Variants in HHAT observed in about 807,000 individuals in gnomAD.
The protein encoded by HHAT is protein-cysteine N-palmitoyltransferase HHAT.
HHAT carries 47 observed loss-of-function variants against 70.8 expected under a neutral mutation model. The observed-to-expected ratio is 0.66, with a 90% CI of 0.53 to 0.85. HHAT has a LOEUF of 0.85. HHAT is among the 40% of genes least tolerant of loss of function. The pLI is 0.00. For missense variants in HHAT, 609 were observed against 604.8 expected (o/e 1.01, Z -0.07); for synonymous variants, 228 against 247.6 (o/e 0.92, Z 0.74).
At chr1:210,642,902 A>T (rs1290168826) in intron 11 of HHAT, among the ~76,000 whole-genome samples, 2 of 152,210 alleles carry the variant, frequency 1.3e-5, no homozygotes, top group African/African-American at 4.8e-5. Flanking sequence ...TGTTCTGATT[A>T]GGAAATACTT....
chr1:210,348,134 A>G (rs61828656), intron 1 of HHAT, among the ~76,000 whole-genome samples: 36,160 of 152,118 alleles, frequency 0.24, 5,047 homozygotes, highest in African/African-American at 0.39. Flanking sequence ...AAACCCAGCT[A>G]CTCAGGAGGC....
chr1:210,354,614 G>A (rs1350120800), intron 2 of HHAT, among the ~76,000 whole-genome samples: 1 of 151,864 alleles, frequency 6.6e-6, no homozygotes, highest in Non-Finnish European at 1.5e-5. Context: ...TTCCTGCCTC[G>A]GCCTCCCAAA....
chr1:210,589,876 C>T (rs1661278985), intron 10 of HHAT: 1 of 152,168 alleles, frequency 6.6e-6, no homozygotes, highest in African/African-American at 2.4e-5. Context: ...AATTCAGGTA[C>T]CTTGGTACAT....
At chr1:210,539,893 C>T (rs1446668002) in intron 9 of HHAT, among the ~76,000 whole-genome samples, 3 of 152,156 alleles carry the variant, frequency 2.0e-5, no homozygotes, top group Non-Finnish European at 4.4e-5. Flanking sequence ...AAAAGTTCTT[C>T]CTACAAGGGC....
chr1:210,370,421 T>C (rs1194412270), intron 3 of HHAT, among the ~76,000 whole-genome samples: 2 of 151,698 alleles, frequency 1.3e-5, no homozygotes, highest in Non-Finnish European at 2.9e-5. Flanking sequence ...GATCCACCCA[T>C]CTTGGCCTCT....
chr1:210,541,628 A>G (rs553610211), intron 9 of HHAT, among the ~76,000 whole-genome samples: 46 of 152,250 alleles, frequency 3.0e-4, no homozygotes, highest in African/African-American at 1.1e-3. Context: ...TTAGGAGGGT[A>G]AGGCAGGAGA....
chr1:210,607,998 T>C (rs1254425210), intron 10 of HHAT, among the ~76,000 whole-genome samples: 3 of 152,224 alleles, frequency 2.0e-5, no homozygotes, highest in African/African-American at 7.2e-5. Context: ...TGATATGTTG[T>C]GAAGATGATC....
intron 1 of HHAT, among the ~76,000 whole-genome samples, chr1:210,347,802 G>A (rs55715961): frequency 9.2e-5 from 14 of 152,262 alleles, no homozygotes; most frequent in Non-Finnish European, 1.9e-4. Flanking sequence ...TTGTCCATGT[G>A]GCTTTCACCT....
intron 11 of HHAT, among the ~76,000 whole-genome samples, chr1:210,624,317 T>C (rs1411978625): frequency 3.3e-5 from 5 of 152,218 alleles, no homozygotes; most frequent in Non-Finnish European, 5.9e-5. Context: ...TCCGTAACTG[T>C]AAGAAATAAA....
At chr1:210,578,376 C>T (rs941988185) in intron 9 of HHAT, among the ~76,000 whole-genome samples, 1 of 152,000 alleles carries the variant, frequency 6.6e-6, no homozygotes, top group Non-Finnish European at 1.5e-5. Flanking sequence ...AAATAGAACT[C>T]TTGTACATTG....
At chr1:210,332,823 C>T (rs555882504) in intron 1 of HHAT, among the ~76,000 whole-genome samples, 2 of 152,284 alleles carry the variant, frequency 1.3e-5, no homozygotes, top group East Asian at 3.9e-4. Flanking sequence ...AGTATGACTC[C>T]TGGTATTTTC....
chr1:210,430,786 T>C (rs11119493), intron 7 of HHAT, among the ~76,000 whole-genome samples: 5 of 151,852 alleles, frequency 3.3e-5, no homozygotes. Context: ...GGTTAAATTC[T>C]TCTAATTTTG....
chr1:210,673,725 A>G (rs970585032), intron 11 of HHAT, among the ~76,000 whole-genome samples: 3 of 151,290 alleles, frequency 2.0e-5, no homozygotes, highest in African/African-American at 4.9e-5. Flanking sequence ...TCAAGTAGCT[A>G]GGACTACAGA....
At chr1:210,551,706 G>A (rs751081853) in intron 9 of HHAT, among the ~76,000 whole-genome samples, 2 of 152,272 alleles carry the variant, frequency 1.3e-5, no homozygotes, top group Admixed American at 6.5e-5. Context: ...ATTAATGAAC[G>A]ATTTATTGAA....
chr1:210,663,373 A>G (rs1015474915), intron 11 of HHAT, among the ~76,000 whole-genome samples: 5 of 152,190 alleles, frequency 3.3e-5, no homozygotes, highest in African/African-American at 9.7e-5. Flanking sequence ...CTGGCCAGCA[A>G]CGTTCACCAT....
chr1:210,381,725 A>G (rs552091983), intron 3 of HHAT, among the ~76,000 whole-genome samples: 1 of 152,222 alleles, frequency 6.6e-6, no homozygotes. Context: ...TCACTAGGAG[A>G]TAAACAGTGG....
At chr1:210,400,397 T>C (rs2092007222) in intron 4 of HHAT, 71 bp from the exon 5 acceptor site, 1 of 1,366,942 alleles carries the variant, frequency 7.3e-7, no homozygotes, top group Non-Finnish European at 9.9e-7. Flanking sequence ...TTCCATGAGC[T>C]CACTTCTGTT....
chr1:210,421,129 A>G (rs2092889639), intron 7 of HHAT, among the ~76,000 whole-genome samples: 1 of 152,182 alleles, frequency 6.6e-6, no homozygotes, highest in South Asian at 2.1e-4. Context: ...AGAAATAGAA[A>G]AAAACCCCTA....
chr1:210,475,855 T>C (rs187583968), intron 8 of HHAT, among the ~76,000 whole-genome samples: 84 of 147,862 alleles, frequency 5.7e-4, no homozygotes, highest in African/African-American at 2.0e-3. Flanking sequence ...ACAAAATTCA[T>C]TGTTTTAGTT....
Sources: allele counts gnomAD v4.1 joint callset (sites outside exome capture counted in the v4.1 genomes callset), GRCh38; gene constraint gnomAD v4.1.1; transcripts MANE v1.5; gene names NCBI Gene and HGNC (gene_info 2026-07-23, HGNC 2026-07-21).